TNS3: variants seen among roughly 807,000 people sequenced by gnomAD.
The protein encoded by TNS3 is tensin-3.
A neutral mutation model predicts 140.9 loss-of-function variants in TNS3; 45 were observed. The observed-to-expected ratio is 0.32, with a 90% CI of 0.25 to 0.41. TNS3 has a LOEUF of 0.41. TNS3 is among the 10% of genes least tolerant of loss of function. The pLI is 1.00. For missense variants in TNS3, 1,716 were observed against 1,906.7 expected (o/e 0.90, Z 1.86); for synonymous variants, 815 against 788.4 (o/e 1.03, Z -0.56).
At chr7:47,463,845 G>A (rs1796591296) in intron 4 of TNS3, among the ~76,000 whole-genome samples, 1 of 152,116 alleles carries the variant, frequency 6.6e-6, no homozygotes, top group Admixed American at 6.5e-5. Context: ...ATTGTATCCA[G>A]GAGGCTAATT....
chr7:47,359,261 C>A (rs1214518777), intron 17 of TNS3, among the ~76,000 whole-genome samples: 1 of 152,138 alleles, frequency 6.6e-6, no homozygotes, highest in Non-Finnish European at 1.5e-5. Context: ...GGCTCGAAAA[C>A]ATCACACACC....
Position 47,409,526 on chromosome 7 carries a change from A to AT in TNS3, c.723+2200dup, listed in dbSNP as rs535732884. On this transcript the variant is annotated intron_variant, in intron 13 of 30. Coordinates refer to ENST00000311160, the MANE Select transcript of TNS3 (RefSeq NM_022748.12). ...CGGAGCCGTGGGGCAATAACTACTCATCACTGAAGACCTGGTTCAGGGAGC... is the reference window on the plus strand; with the variant it reads ...CGGAGCCGTGGGGCAATAACTACTCATTCACTGAAGACCTGGTTCAGGGAGC... Among the ~76,000 whole-genome samples, 104 of 152,248 alleles carry AT rather than the reference A, an allele frequency of 6.8e-4. 2 individuals carry two copies. Among genetic ancestry groups the AT allele is most frequent in the Admixed American group, 4.2e-3 (64 of 15,308 alleles).
At chr7:47,426,703 C>CA (rs551339307) in intron 9 of TNS3, among the ~76,000 whole-genome samples, 82 of 152,204 alleles carry the variant, frequency 5.4e-4, no homozygotes, top group Middle Eastern at 6.8e-3. Flanking sequence ...TGAGAGAAAA[C>CA]AGAGTTTGTA....
In TNS3 at chr7:47,368,920, T is replaced by A. The variant is rs751615196; in HGVS notation, c.1726A>T (p.Met576Leu). Residue 576 changes from methionine (M) to leucine (L), a missense_variant, in exon 17 of 31, where the codon ATG (methionine) becomes TTG (leucine). Met to Leu is a conservative substitution (Grantham distance 15). Coordinates refer to ENST00000311160, the MANE Select transcript of TNS3 (RefSeq NM_022748.12). Reference sequence around the variant, plus strand: ...TAGCTGCTCTGCCCATAGGCCTGCATCTGGGCGGACACTGAGGGCTTTCTC... The same window carrying A: ...TAGCTGCTCTGCCCATAGGCCTGCAACTGGGCGGACACTGAGGGCTTTCTC... Reference protein sequence around the residue: ...LLRKPSVSAQMQAYGQSSYST... With the variant: ...LLRKPSVSAQLQAYGQSSYST... The A allele has an allele frequency of 2.5e-6, 4 of 1,613,392 alleles. No homozygotes were observed. Among genetic ancestry groups the A allele is most frequent in the Non-Finnish European group, 3.4e-6 (4 of 1,179,742 alleles).
At chr7:47,299,859 T>C (rs1786286787) in intron 23 of TNS3, among the ~76,000 whole-genome samples, 1 of 152,190 alleles carries the variant, frequency 6.6e-6, no homozygotes, top group Non-Finnish European at 1.5e-5. Flanking sequence ...ATCGCATTCC[T>C]CACCTGGAGA....
At chr7:47,528,542 G>T (rs562897872) in intron 2 of TNS3, among the ~76,000 whole-genome samples, 85 of 152,162 alleles carry the variant, frequency 5.6e-4, no homozygotes, top group Non-Finnish European at 9.9e-4. Context: ...TCTCTTACTA[G>T]ATTTATTAAT....
intron 6 of TNS3, among the ~76,000 whole-genome samples, chr7:47,437,745 TACACACACACAC>T (rs67341898): frequency 0.053 from 7,238 of 135,758 alleles, 216 homozygotes; most frequent in African/African-American, 0.08. Flanking sequence ...ACATATAGGA[TACACACACACAC>T]ACACACACAC....
intron 23 of TNS3, 137 bp from the exon 24 acceptor site, chr7:47,297,350 G>A: frequency 9.4e-7 from 1 of 1,058,982 alleles, no homozygotes; most frequent in Non-Finnish European, 1.3e-6. Context: ...GGATCCCTCT[G>A]CTTGGCTGGA....
At chr7:47,484,202 G>C (rs116063349) in intron 3 of TNS3, among the ~76,000 whole-genome samples, 191 of 152,272 alleles carry the variant, frequency 1.3e-3, no homozygotes, top group African/African-American at 4.5e-3. Context: ...ACCTTTTGTG[G>C]GAGTGGATTT....
At chr7:47,481,568 G>A (rs1436214355) in intron 3 of TNS3, 4 of 735,116 alleles carry the variant, frequency 5.4e-6, no homozygotes, top group Non-Finnish European at 6.6e-6. Flanking sequence ...TCACCCAGGG[G>A]CATGCATTCT....
intron 3 of TNS3, among the ~76,000 whole-genome samples, chr7:47,482,189 G>A (rs1797445184): frequency 6.6e-6 from 1 of 152,234 alleles, no homozygotes; most frequent in African/African-American, 2.4e-5. Flanking sequence ...TGCAACCGAA[G>A]GAGAATCGTA....
intron 2 of TNS3, among the ~76,000 whole-genome samples, chr7:47,508,785 A>G (rs139633675): frequency 7.9e-4 from 120 of 152,300 alleles, no homozygotes; most frequent in African/African-American, 2.8e-3. Context: ...GGTCTCCAGG[A>G]TCACTCATTC....
intron 16 of TNS3, among the ~76,000 whole-genome samples, chr7:47,385,263 C>A (rs916016762): frequency 6.6e-6 from 1 of 152,236 alleles, no homozygotes; most frequent in African/African-American, 2.4e-5. Flanking sequence ...ACCAAGCCCC[C>A]ACTCTTGGCT....
chr7:47,519,816 C>CTTTTTT (rs34418629), intron 2 of TNS3, among the ~76,000 whole-genome samples: 1,229 of 74,668 alleles, frequency 0.016, 28 homozygotes, highest in East Asian at 0.018. Flanking sequence ...CCTCACATTT[C>CTTTTTT]TTTTTTTTTT....
intron 4 of TNS3, 92 bp downstream of exon 4, chr7:47,481,011 C>G (rs1459958647): frequency 2.8e-6 from 3 of 1,067,748 alleles, no homozygotes; most frequent in Non-Finnish European, 3.8e-6. Flanking sequence ...CTAGAGGAAG[C>G]CAAAAGATCC....
intron 4 of TNS3, among the ~76,000 whole-genome samples, chr7:47,451,169 C>T (rs79777894): frequency 2.0e-5 from 3 of 152,232 alleles, no homozygotes; most frequent in African/African-American, 7.2e-5. Flanking sequence ...TTAGGAATCC[C>T]AGCAAGGCCT....
intron 17 of TNS3, among the ~76,000 whole-genome samples, chr7:47,361,273 G>A (rs796406906): frequency 2.8e-5 from 4 of 143,670 alleles, no homozygotes; most frequent in African/African-American, 1.0e-4. Context: ...TGCCCTCAGG[G>A]AAGAGCCACA....
chr7:47,422,101 C>A, intron 10 of TNS3, among the ~76,000 whole-genome samples: 1 of 152,260 alleles, frequency 6.6e-6, no homozygotes. Flanking sequence ...TGCATTCATT[C>A]GTTTACATGC....
At chr7:47,491,513 A>G (rs1797812962) in intron 3 of TNS3, among the ~76,000 whole-genome samples, 2 of 152,090 alleles carry the variant, frequency 1.3e-5, no homozygotes, top group Non-Finnish European at 2.9e-5. Context: ...TCAAATATAC[A>G]CTGTCAGATT....
Sources: allele counts gnomAD v4.1 joint callset (sites outside exome capture counted in the v4.1 genomes callset), GRCh38; gene constraint gnomAD v4.1.1; transcripts MANE v1.5; gene names NCBI Gene and HGNC (gene_info 2026-07-23, HGNC 2026-07-21).